ANO10: variants seen among roughly 807,000 people sequenced by gnomAD.
The protein encoded by ANO10 is anoctamin-10.
Under a neutral mutation model 74.7 loss-of-function variants are expected in ANO10, and 77 were observed. The ratio of observed to expected loss-of-function variants is 1.03; its 90% CI spans 0.86 to 1.25. The LOEUF (loss-of-function observed/expected upper bound fraction) is 1.25. Among genes scored for constraint, ANO10 ranks in the 50% most tolerant of loss-of-function variants. The probability of loss-of-function intolerance (pLI) is 0.00; values close to 1 mark genes in which losing one functional copy is unlikely to be tolerated. For missense variants in ANO10, 721 were observed against 778.1 expected (o/e 0.93, Z 0.87); for synonymous variants, 279 against 284.9 (o/e 0.98, Z 0.21).
chr3:43,448,601 G>A (rs922773857), intron 11 of ANO10, among the ~76,000 whole-genome samples: 2 of 152,132 alleles, frequency 1.3e-5, no homozygotes, highest in African/African-American at 4.8e-5. Context: ...TCTACCGAAG[G>A]ACATCTTGGT....
chr3:43,689,615 A>G (rs1175402592), intron 1 of ANO10: 1 of 152,218 alleles, frequency 6.6e-6, no homozygotes, highest in Non-Finnish European at 1.5e-5. Context: ...TACAGAAGAC[A>G]CCATTCCTAT....
chr3:43,465,985 T>C (rs1035123827), intron 11 of ANO10, among the ~76,000 whole-genome samples: 1 of 152,078 alleles, frequency 6.6e-6, no homozygotes, highest in African/African-American at 2.4e-5. Flanking sequence ...ATTTTAAAAT[T>C]CCTCTGGGAA....
chr3:43,384,535 A>G (rs1575620133), intron 12 of ANO10, among the ~76,000 whole-genome samples: 1 of 152,248 alleles, frequency 6.6e-6, no homozygotes, highest in African/African-American at 2.4e-5. Flanking sequence ...CTATAAGGCC[A>G]TCGTCACCAA....
rs529959182 is a variant in ANO10, at chr3:43,506,893, T to C, written c.1797+42827A>G. 1.3e-3 allele frequency among the ~76,000 whole-genome samples: 195 copies of C among 152,314 alleles called. 4 individuals are homozygous for C. The South Asian group carries it at 0.02, about 15-fold the overall frequency. On this transcript the variant is annotated intron_variant, in intron 11 of 12. Coordinates refer to ENST00000292246, the MANE Select transcript of ANO10 (RefSeq NM_018075.5). ...CCTGAGTGGTTATTACTGATTAACA[T>C]ACTATACATTTCATCTCATTATCAT...
chr3:43,645,097 C>A (rs1419315033), intron 1 of ANO10, among the ~76,000 whole-genome samples: 1 of 152,184 alleles, frequency 6.6e-6, no homozygotes, highest in African/African-American at 2.4e-5. Context: ...GAGGCCACAT[C>A]TCATTTAGAG....
chr3:43,541,285 A>G (rs1304451003), intron 11 of ANO10, among the ~76,000 whole-genome samples: 22 of 152,200 alleles, frequency 1.4e-4, no homozygotes, highest in Admixed American at 1.4e-3. Context: ...CAATGACAAT[A>G]ATAGCTAACA....
intron 12 of ANO10, among the ~76,000 whole-genome samples, chr3:43,421,446 G>A (rs2092818606): frequency 6.6e-6 from 1 of 152,122 alleles, no homozygotes; most frequent in Non-Finnish European, 1.5e-5. Context: ...GATCATTTGA[G>A]CCTGGGAGGT....
At chr3:43,539,976 A>G (rs1318635598) in intron 11 of ANO10, among the ~76,000 whole-genome samples, 1 of 152,166 alleles carries the variant, frequency 6.6e-6, no homozygotes, top group Admixed American at 6.5e-5. Context: ...CAAAAACTGG[A>G]TGTTAACTAA....
chr3:43,373,508 G>T (rs1169278194), intron 12 of ANO10, among the ~76,000 whole-genome samples: 1 of 152,212 alleles, frequency 6.6e-6, no homozygotes, highest in African/African-American at 2.4e-5. Context: ...GGGAAACAAA[G>T]GTGTAATGTC....
At chr3:43,481,910 CTTTTTTCT>C (rs1445737089) in intron 11 of ANO10, among the ~76,000 whole-genome samples, 10 of 146,156 alleles carry the variant, frequency 6.8e-5, no homozygotes, top group African/African-American at 2.0e-4. Context: ...TGATTGATGT[CTTTTTTCT>C]TTTTTTTTCT....
At chr3:43,484,953 C>T in intron 11 of ANO10, 4 of 1,106,842 alleles carry the variant, frequency 3.6e-6, no homozygotes, top group East Asian at 2.6e-5. Context: ...TGGGGCCCAC[C>T]CAGGCAAGGG....
At chr3:43,427,027 G>A (rs1468926188) in intron 12 of ANO10, among the ~76,000 whole-genome samples, 2 of 152,166 alleles carry the variant, frequency 1.3e-5, no homozygotes, top group African/African-American at 4.8e-5. Flanking sequence ...CACAGAGCAT[G>A]TCTCCAAATG....
intron 2 of ANO10, among the ~76,000 whole-genome samples, chr3:43,604,743 A>T (rs371822954): frequency 6.6e-6 from 1 of 152,208 alleles, no homozygotes; most frequent in African/African-American, 2.4e-5. Flanking sequence ...ATCAGCAAAA[A>T]GATGGCTGGG....
chr3:43,426,917 G>GA lies in ANO10; in HGVS notation c.1914+5693_1914+5694insT, dbSNP rs377029016. Among the ~76,000 whole-genome samples the GA allele has an allele frequency of 7.1e-4, 108 of 152,048 alleles. 2 individuals are homozygous for GA. The highest frequency in any genetic ancestry group is 2.2e-3 in the African/African-American group (90 of 41,468). On this transcript the variant is annotated intron_variant, in intron 12 of 12. Coordinates refer to ENST00000292246, the MANE Select transcript of ANO10 (RefSeq NM_018075.5). ...TAGAAACACACATAGCTTCCTATTT[G>GA]TACCAAAAAAGATCTGTTTTCAGTA... is the stretch of plus-strand genomic sequence containing the variant.
intron 1 of ANO10, among the ~76,000 whole-genome samples, chr3:43,646,476 G>T (rs1174031288): frequency 6.6e-6 from 1 of 152,150 alleles, no homozygotes; most frequent in Non-Finnish European, 1.5e-5. Flanking sequence ...TATGGTGGAA[G>T]GAGCCTTAGA....
At chr3:43,376,805 A>G (rs953326482) in intron 12 of ANO10, among the ~76,000 whole-genome samples, 3 of 152,220 alleles carry the variant, frequency 2.0e-5, no homozygotes, top group Non-Finnish European at 4.4e-5. Context: ...CTGTAACTAG[A>G]TCTACAGGTG....
At chr3:43,596,924 T>A (rs1420864144) in intron 4 of ANO10, among the ~76,000 whole-genome samples, 1 of 151,690 alleles carries the variant, frequency 6.6e-6, no homozygotes, top group African/African-American at 2.4e-5. Context: ...CAAGAAAAAA[T>A]CAAACAACCC....
intron 2 of ANO10, among the ~76,000 whole-genome samples, chr3:43,604,944 A>G (rs150536743): frequency 0.046 from 7,080 of 152,280 alleles, 189 homozygotes; most frequent in Non-Finnish European, 0.059. Flanking sequence ...TTCTTAAGAA[A>G]TAACTTCAGT....
intron 11 of ANO10, among the ~76,000 whole-genome samples, chr3:43,441,783 A>G (rs1428636293): frequency 6.6e-6 from 1 of 152,160 alleles, no homozygotes; most frequent in East Asian, 1.9e-4. Flanking sequence ...CAAATTCAAC[A>G]ACACATTAAA....
Sources: allele counts gnomAD v4.1 joint callset (sites outside exome capture counted in the v4.1 genomes callset), GRCh38; gene constraint gnomAD v4.1.1; transcripts MANE v1.5; gene names NCBI Gene and HGNC (gene_info 2026-07-23, HGNC 2026-07-21).